KDM4C: variants seen among roughly 807,000 people sequenced by gnomAD.
The protein encoded by KDM4C is lysine demethylase 4C, also known as lysine-specific demethylase 4C.
Under a neutral mutation model 129.3 loss-of-function variants are expected in KDM4C, and 81 were observed. The observed-to-expected ratio is 0.63, with a 90% CI of 0.52 to 0.75. The LOEUF (loss-of-function observed/expected upper bound fraction) is 0.75, where lower values mean the gene tolerates loss of function less well. KDM4C is among the 30% of genes least tolerant of loss of function. The pLI is 0.00. For synonymous variants in KDM4C, 573 were observed against 456.1 expected, an observed-to-expected ratio of 1.26 and a Z score of -3.26; for missense variants, 1,457 against 1,304.0, an observed-to-expected ratio of 1.12 and a Z score of -1.81.
intron 8 of KDM4C, among the ~76,000 whole-genome samples, chr9:6,977,971 C>T (rs1589424239): frequency 6.6e-6 from 1 of 152,142 alleles, no homozygotes; most frequent in Non-Finnish European, 1.5e-5. Context: ...TAAGATAACA[C>T]TAGAAACCTC....
intron 12 of KDM4C, among the ~76,000 whole-genome samples, chr9:6,994,077 A>T (rs1819256275): frequency 1.3e-5 from 2 of 152,046 alleles, no homozygotes; most frequent in Non-Finnish European, 2.9e-5. Context: ...TCCACCTCGG[A>T]TCATCAGGCA....
chr9:7,130,499 A>G (rs1248327647), intron 19 of KDM4C, among the ~76,000 whole-genome samples: 1 of 152,220 alleles, frequency 6.6e-6, no homozygotes, highest in African/African-American at 2.4e-5. Context: ...TGTGAGAAGA[A>G]CACAGAAGCT....
intron 1 of KDM4C, chr9:6,735,144 C>T: frequency 4.1e-6 from 1 of 245,268 alleles, no homozygotes; most frequent in Non-Finnish European, 8.1e-6. Flanking sequence ...CTACACCTGT[C>T]CCCGCCCCCA....
At chr9:7,075,359 G>C (rs904015632) in intron 17 of KDM4C, among the ~76,000 whole-genome samples, 1 of 152,078 alleles carries the variant, frequency 6.6e-6, no homozygotes, top group Non-Finnish European at 1.5e-5. Context: ...GTTGAAACTC[G>C]ATCCCAGTGT....
At chr9:6,815,592 A>G (rs1216901077) in intron 4 of KDM4C, among the ~76,000 whole-genome samples, 2 of 152,160 alleles carry the variant, frequency 1.3e-5, no homozygotes, top group Non-Finnish European at 2.9e-5. Flanking sequence ...CCATTCACTT[A>G]GGTTCACTAG....
intron 4 of KDM4C, among the ~76,000 whole-genome samples, chr9:6,847,437 C>T (rs58872551): frequency 0.13 from 19,326 of 151,614 alleles, 1,618 homozygotes; most frequent in African/African-American, 0.23. Flanking sequence ...CTTGCTCTGT[C>T]GCCCAGGCTG....
intron 14 of KDM4C, among the ~76,000 whole-genome samples, chr9:7,015,374 G>A (rs568983872): frequency 4.6e-5 from 7 of 152,222 alleles, no homozygotes; most frequent in South Asian, 2.1e-4. Flanking sequence ...TGGGTCAGGC[G>A]TGAACTGAAT....
At chr9:6,942,025 C>G (rs1023312337) in intron 8 of KDM4C, among the ~76,000 whole-genome samples, 10 of 152,112 alleles carry the variant, frequency 6.6e-5, no homozygotes, top group Non-Finnish European at 7.4e-5. Flanking sequence ...ATTTGAAACT[C>G]TTTTAAAAAG....
At chr9:7,022,596 T>C (rs577366231) in intron 15 of KDM4C, among the ~76,000 whole-genome samples, 125 of 152,126 alleles carry the variant, frequency 8.2e-4, no homozygotes, top group Middle Eastern at 3.4e-3. Context: ...CAAACAACAA[T>C]AATTTGAATT....
In KDM4C at chr9:6,969,431, A is replaced by G. The variant is rs144250880; in HGVS notation, c.922-11494A>G. 9.1e-4 allele frequency among the ~76,000 whole-genome samples: 138 copies of G among 152,310 alleles called. 1 individual carries two copies. Among genetic ancestry groups the G allele is most frequent in the Middle Eastern group, 3.4e-3 (1 of 294 alleles). ...CATAGGGTTTTTTTTATCTGCTGAT[A>G]GGCTTGATATTCCAAGCATATTAAC... On this transcript the variant is annotated intron_variant, in intron 8 of 21. Transcript: ENST00000381309.
At chr9:6,835,878 C>T (rs1458750961) in intron 4 of KDM4C, among the ~76,000 whole-genome samples, 5 of 152,098 alleles carry the variant, frequency 3.3e-5, no homozygotes, top group Admixed American at 6.5e-5. Flanking sequence ...GTTGTTTGCC[C>T]TCCTAAAAGC....
At chr9:6,835,026 C>A (rs1248515873) in intron 4 of KDM4C, 3 of 945,938 alleles carry the variant, frequency 3.2e-6, no homozygotes, top group Admixed American at 3.4e-5. Flanking sequence ...TCATGAAGAT[C>A]CTTACCGAGC....
intron 18 of KDM4C, among the ~76,000 whole-genome samples, chr9:7,107,136 C>T (rs1447128056): frequency 1.3e-5 from 2 of 152,198 alleles, no homozygotes; most frequent in African/African-American, 4.8e-5. Flanking sequence ...GTGTGCTCAT[C>T]TGTCGGTGTG....
chr9:7,018,203 A>G (rs1381091473), intron 15 of KDM4C, among the ~76,000 whole-genome samples: 1 of 152,308 alleles, frequency 6.6e-6, no homozygotes, highest in South Asian at 2.1e-4. Flanking sequence ...CATTGCTACT[A>G]ATGTCCTGAG....
intron 6 of KDM4C, among the ~76,000 whole-genome samples, chr9:6,887,401 G>T (rs1031582725): frequency 2.2e-4 from 33 of 152,320 alleles, no homozygotes; most frequent in African/African-American, 7.5e-4. Flanking sequence ...TGTTCAGGCA[G>T]GTTCTCAGAC....
At chr9:6,768,353 T>A (rs1821065419) in intron 1 of KDM4C, among the ~76,000 whole-genome samples, 1 of 151,684 alleles carries the variant, frequency 6.6e-6, no homozygotes, top group Non-Finnish European at 1.5e-5. Flanking sequence ...TTTTTTTTTT[T>A]AACCTGCTGG....
At chr9:7,110,410 A>C (rs989273362) in intron 18 of KDM4C, among the ~76,000 whole-genome samples, 1 of 152,146 alleles carries the variant, frequency 6.6e-6, no homozygotes, top group African/African-American at 2.4e-5. Flanking sequence ...TCCTGGCTTT[A>C]ATAAATTTAT....
At chr9:6,746,489 G>A (rs1319556222) in intron 1 of KDM4C, among the ~76,000 whole-genome samples, 21 of 143,928 alleles carry the variant, frequency 1.5e-4, no homozygotes, top group African/African-American at 5.1e-4. Context: ...GGATGGTCTG[G>A]ATCTCCTGAC....
intron 8 of KDM4C, among the ~76,000 whole-genome samples, chr9:6,907,989 A>G (rs1818625191): frequency 1.3e-5 from 2 of 152,196 alleles, no homozygotes; most frequent in African/African-American, 2.4e-5. Context: ...GTCGCTTCAT[A>G]CATTTTTTTT....
Sources: gnomAD v4.1 joint callset for allele counts (sites outside exome capture counted in the v4.1 genomes callset) on GRCh38, gnomAD v4.1.1 for gene constraint, MANE v1.5 for transcripts, NCBI Gene and HGNC (gene_info 2026-07-23, HGNC 2026-07-21) for gene names.